ERG: variants seen among roughly 807,000 people sequenced by gnomAD.
ERG encodes ETS transcription factor ERG.
Under a neutral mutation model 55.3 loss-of-function variants are expected in ERG, and 9 were observed. The ratio of observed to expected loss-of-function variants is 0.16; its 90% CI spans 0.10 to 0.28. The LOEUF is 0.28. Ranked by LOEUF, ERG falls within the 10% of genes least tolerant of loss-of-function variation. ERG has a pLI of 1.00. For missense variants in ERG, 434 were observed against 631.6 expected (o/e 0.69, Z 3.35); for synonymous variants, 223 against 237.3 (o/e 0.94, Z 0.55).
chr21:38,579,641 G>T (rs1379684596), intron 1 of ERG, among the ~76,000 whole-genome samples: 1 of 152,166 alleles, frequency 6.6e-6, no homozygotes, highest in South Asian at 2.1e-4. Flanking sequence ...GACCAAGGGC[G>T]TATGAGCTTC....
intron 1 of ERG, among the ~76,000 whole-genome samples, chr21:38,457,290 G>A (rs2058999036): frequency 6.6e-6 from 1 of 152,064 alleles, no homozygotes; most frequent in South Asian, 2.1e-4. Context: ...CAAAAAATTA[G>A]CTGGGCGTGG....
chr21:38,530,869 T>A (rs2059667683), intron 2 of ERG, among the ~76,000 whole-genome samples: 1 of 152,176 alleles, frequency 6.6e-6, no homozygotes, highest in African/African-American at 2.4e-5. Flanking sequence ...AGAGGAAAAT[T>A]CCCATTTCAG....
intron 3 of ERG, among the ~76,000 whole-genome samples, chr21:38,404,231 A>G (rs1056755419): frequency 1.3e-5 from 2 of 152,176 alleles, no homozygotes. Flanking sequence ...ATCGGAAATG[A>G]AATATAGATA....
intron 1 of ERG, chr21:38,450,818 T>C (rs148794839): frequency 9.9e-5 from 43 of 434,362 alleles, no homozygotes; most frequent in African/African-American, 7.3e-4. Context: ...GATAAAATAA[T>C]GGGACATTTT....
At chr21:38,408,040 G>T (rs1988857178) in intron 3 of ERG, among the ~76,000 whole-genome samples, 1 of 151,988 alleles carries the variant, frequency 6.6e-6, no homozygotes, top group Admixed American at 6.6e-5. Context: ...CATCTGAAAA[G>T]AGTAAAATTA....
intron 1 of ERG, among the ~76,000 whole-genome samples, chr21:38,617,940 G>A (rs1021167079): frequency 2.6e-5 from 4 of 152,296 alleles, no homozygotes; most frequent in Non-Finnish European, 5.9e-5. Flanking sequence ...GATGACAGAA[G>A]GAAGAGACCA....
chr21:38,409,547 G>C (rs1371422789), intron 3 of ERG, among the ~76,000 whole-genome samples: 1 of 148,488 alleles, frequency 6.7e-6, no homozygotes, highest in Non-Finnish European at 1.5e-5. Flanking sequence ...GAAGTGCAGA[G>C]AGGTAGCACC....
chr21:38,579,000 C>T (rs548704099), intron 1 of ERG, among the ~76,000 whole-genome samples: 5 of 152,116 alleles, frequency 3.3e-5, no homozygotes, highest in Admixed American at 1.3e-4. Context: ...CACTCACCTA[C>T]GAGACATGAT....
At chr21:38,488,330 A>T (rs985182216) in intron 1 of ERG, among the ~76,000 whole-genome samples, 1 of 152,168 alleles carries the variant, frequency 6.6e-6, no homozygotes, top group African/African-American at 2.4e-5. Flanking sequence ...CCGTGTGTAC[A>T]GTGTGTAAAC....
chr21:38,599,800 A>G (rs916319750), intron 1 of ERG, among the ~76,000 whole-genome samples: 3 of 152,224 alleles, frequency 2.0e-5, no homozygotes, highest in African/African-American at 7.2e-5. Flanking sequence ...CAGGGACAGG[A>G]AGGAGCTATC....
At chr21:38,544,129 G>A (rs977607735) in intron 2 of ERG, among the ~76,000 whole-genome samples, 1 of 152,228 alleles carries the variant, frequency 6.6e-6, no homozygotes, top group Non-Finnish European at 1.5e-5. Flanking sequence ...AGTCATAAAT[G>A]ATGGGTAGAA....
rs551106385 is a variant in ERG at position 38,648,147 on chromosome 21, T to C, written c.-150+13511A>G. Among the ~76,000 whole-genome samples, 13 of 152,334 alleles carry C rather than the reference T, an allele frequency of 8.5e-5. No homozygotes were observed. The East Asian group carries it at 2.5e-3, about 29-fold the overall frequency. ...CTTTTTTTTAAATTTTTTACTTGCT[T>C]GGAGCAAAGACTGAAAGCAAGTATT... On this transcript the variant is annotated intron_variant, in intron 1 of 10. Transcript: ENST00000398910.
chr21:38,449,834 G>A (rs1196345170), intron 1 of ERG, among the ~76,000 whole-genome samples: 1 of 152,124 alleles, frequency 6.6e-6, no homozygotes, highest in Non-Finnish European at 1.5e-5. Flanking sequence ...GAAAATTTGG[G>A]AGTGGTAAAG....
chr21:38,496,537 C>T (rs182111897), intron 1 of ERG, among the ~76,000 whole-genome samples: 68 of 152,162 alleles, frequency 4.5e-4, no homozygotes, highest in Non-Finnish European at 7.2e-4. Flanking sequence ...ATAAAGAGGG[C>T]CTATTTTAAC....
intron 2 of ERG, among the ~76,000 whole-genome samples, chr21:38,562,927 A>G (rs1394986754): frequency 1.3e-5 from 2 of 152,228 alleles, no homozygotes; most frequent in African/African-American, 4.8e-5. Flanking sequence ...ATTTTAAAAG[A>G]GTTTTATGGT....
the ERG span, among the ~76,000 whole-genome samples, chr21:38,371,115 A>G: frequency 6.6e-6 from 1 of 152,062 alleles, no homozygotes; most frequent in South Asian, 2.1e-4. Context: ...GTTTTCCCAT[A>G]AAGCTCTTGC....
intron 1 of ERG, among the ~76,000 whole-genome samples, chr21:38,621,395 G>A (rs2060289370): frequency 1.3e-5 from 2 of 152,176 alleles, no homozygotes; most frequent in African/African-American, 2.4e-5. Context: ...AAGTGTGTCC[G>A]TTCCAGGTGG....
chr21:38,567,899 C>A (rs1013126513), intron 2 of ERG, among the ~76,000 whole-genome samples: 4 of 152,204 alleles, frequency 2.6e-5, no homozygotes, highest in Non-Finnish European at 1.5e-5. Flanking sequence ...TGACCTCGCA[C>A]AGAACGCTGC....
At chr21:38,404,274 G>A (rs369232162) in intron 3 of ERG, among the ~76,000 whole-genome samples, 11 of 152,290 alleles carry the variant, frequency 7.2e-5, no homozygotes, top group East Asian at 1.9e-4. Flanking sequence ...ATGAGCCAGC[G>A]TTCCTCATAG....
Sources: gnomAD v4.1 joint callset for allele counts (sites outside exome capture counted in the v4.1 genomes callset) on GRCh38, gnomAD v4.1.1 for gene constraint, MANE v1.5 for transcripts, NCBI Gene and HGNC (gene_info 2026-07-23, HGNC 2026-07-21) for gene names.